NEB: variants seen among roughly 807,000 people sequenced by gnomAD.
NEB encodes nemaline myopathy type 2.
NEB carries 512 observed loss-of-function variants against 952.2 expected under a neutral mutation model. The observed-to-expected ratio is 0.54, with a 90% CI of 0.50 to 0.58. The LOEUF (loss-of-function observed/expected upper bound fraction) is 0.58. Ranked by LOEUF, NEB falls within the 20% of genes least tolerant of loss-of-function variation. The pLI, the probability that NEB is intolerant of heterozygous loss-of-function variation, is 0.00. For missense variants in NEB, 8,428 were observed against 9,231.1 expected, an observed-to-expected ratio of 0.91 and a Z score of 3.56; for synonymous variants, 2,900 against 3,149.8, an observed-to-expected ratio of 0.92 and a Z score of 2.66.
chr2:151,610,826 A>T lies in NEB; in HGVS notation c.11846T>A (p.Ile3949Asn), dbSNP rs2097921587. The change falls in exon 79 of 182, where the codon ATC (isoleucine) becomes AAC (asparagine). Residue 3949 changes from isoleucine (I) to asparagine (N), a missense_variant. Ile to Asn is a moderately radical substitution (Grantham distance 149). Around this residue, in one of 11 missense-constraint regions of NEB, gnomAD observed 337 missense variants for 297.5 expected, o/e 1.13. Transcript: ENST00000397345. ...ATCTGGGGTGTCTGGCATCACGTGG[A>T]TGGAGGTTTTGTCAGCATCCCAAGC... Reference protein sequence around the residue: ...TEAWDADKTSIHVMPDTPDIL... With the variant: ...TEAWDADKTSNHVMPDTPDIL... 6.2e-7 allele frequency: 1 copy of T among 1,604,476 alleles called. No individual in the cohort carries two copies. Among genetic ancestry groups the T allele is most frequent in the Non-Finnish European group, 8.5e-7 (1 of 1,175,120 alleles).
intron 161 of NEB, among the ~76,000 whole-genome samples, chr2:151,510,160 G>T (rs769130241): frequency 1.5e-4 from 23 of 152,124 alleles, no homozygotes; most frequent in Non-Finnish European, 2.4e-4. Flanking sequence ...GTGATTACTC[G>T]TATGTTGTCT....
In NEB at chr2:151,656,317, T is replaced by G. The variant is rs772892315; in HGVS notation, c.6331A>C (p.Thr2111Pro). The change falls in exon 49 of 182, where the codon ACC becomes CCC. Residue 2111 changes from threonine (T) to proline (P), a missense_variant. Physicochemically the swap from Thr to Pro is conservative, Grantham distance 38. This residue lies in a region of NEB where 2,851 missense variants were observed against 2,791.5 expected (regional missense o/e 1.02). Transcript: ENST00000397345. ...ATGTCGGCAGGGGTGTGGTAGCTGG[T>G]CTTTGTGTTCTCATAGTTTTTCTTG... Reference protein sequence around the residue: ...EYKKNYENTKTSYHTPADMLS... With the variant: ...EYKKNYENTKPSYHTPADMLS... 2 of 1,613,710 alleles carry G rather than the reference T, an allele frequency of 1.2e-6. No homozygotes were observed. The highest frequency in any genetic ancestry group is 2.2e-5 in the South Asian group (2 of 91,060).
intron 34 of NEB, among the ~76,000 whole-genome samples, chr2:151,676,671 A>G (rs2099362279): frequency 1.3e-5 from 2 of 152,090 alleles, no homozygotes; most frequent in Admixed American, 1.3e-4. Flanking sequence ...TTTGCCAGGA[A>G]TGCTCACTTC....
At chr2:151,684,215 T>C (rs190576077) in intron 28 of NEB, among the ~76,000 whole-genome samples, 1 of 152,342 alleles carries the variant, frequency 6.6e-6, no homozygotes, top group East Asian at 1.9e-4. Context: ...ATTTATGTTA[T>C]ATGTATTTTG....
At position 151,682,832 on chromosome 2, in the gene NEB, A is replaced by C. The variant is rs1157476229; in HGVS notation, c.2836-63T>G. The C allele has an allele frequency of 2.9e-6, 4 of 1,397,686 alleles. No homozygotes were observed. The Admixed American group carries it at 8.0e-5, about 28-fold the overall frequency. The allele number at this position is 1,397,686 out of a possible 1,614,324, so 86.6% of individuals were successfully genotyped here. A position where few individuals can be genotyped will look rare whatever the true frequency, so the allele number is the denominator to read the frequency against. ...GTCATCCTCATTATGTAAAATCATC[A>C]AAGTTTTACCCAAAACAATGTTTTT... is the stretch of plus-strand genomic sequence containing the variant. On this transcript the variant is annotated intron_variant, in intron 28 of 181. Transcript: ENST00000397345.
At chr2:151,670,499 C>T (rs1301896102) in intron 38 of NEB, among the ~76,000 whole-genome samples, 1 of 144,038 alleles carries the variant, frequency 6.9e-6, no homozygotes, top group Non-Finnish European at 1.5e-5. Flanking sequence ...TATGAGTCCA[C>T]GGTGTAAGAG....
intron 117 of NEB, among the ~76,000 whole-genome samples, chr2:151,564,163 T>A (rs1037719850): frequency 6.6e-6 from 1 of 152,028 alleles, no homozygotes; most frequent in Admixed American, 6.6e-5. Context: ...ATTTTATTTT[T>A]ATGTTTTTTG....
rs910853249 is a variant in NEB at position 151,639,273 on chromosome 2, C to T, written c.8994+7G>A. 2.0e-6 allele frequency: 3 copies of T among 1,529,660 alleles called. No individual in the cohort carries two copies. In the African/African-American group the frequency reaches 4.1e-5, roughly 21 times the overall value. 94.8% of individuals were successfully genotyped at this position (1,529,660 alleles called of 1,614,324 possible). On this transcript the variant is annotated splice_region_variant and intron_variant, in intron 63 of 181. Coordinates refer to ENST00000397345, the MANE Select transcript of NEB (RefSeq NM_001164508.2). The stretch of plus-strand genomic sequence containing the variant: ...CAGTGTGCAAATGTCAAAGAATCTG[C>T]TCTCACCTCACTGTAGTTGATTTTG...
intron 46 of NEB, among the ~76,000 whole-genome samples, chr2:151,659,561 A>G (rs1020174614): frequency 6.6e-6 from 1 of 152,200 alleles, no homozygotes; most frequent in African/African-American, 2.4e-5. Flanking sequence ...TTCACCTTCC[A>G]AAGTGCTAGT....
At chr2:151,490,156 T>C (rs1310756011) in intron 180 of NEB, 79 bp from the exon 181 acceptor site, 1 of 1,248,776 alleles carries the variant, frequency 8.0e-7, no homozygotes, top group African/African-American at 1.5e-5. Context: ...AGCTGAGTGA[T>C]GTCTTTTTCC....
chr2:151,504,098 A>G (rs933865983), intron 165 of NEB, among the ~76,000 whole-genome samples: 1 of 152,060 alleles, frequency 6.6e-6, no homozygotes, highest in Admixed American at 6.6e-5. Context: ...ACATTAAGGA[A>G]CCTCCACTCT....
intron 10 of NEB, among the ~76,000 whole-genome samples, chr2:151,717,161 A>G (rs1248797865): frequency 6.6e-6 from 1 of 152,260 alleles, no homozygotes; most frequent in Non-Finnish European, 1.5e-5. Flanking sequence ...ACATTAGAAC[A>G]TGGCTTCTGT....
intron 135 of NEB, among the ~76,000 whole-genome samples, chr2:151,543,661 T>C (rs1339156302): frequency 1.3e-5 from 2 of 152,182 alleles, no homozygotes; most frequent in Non-Finnish European, 2.9e-5. Flanking sequence ...TATTTATGTA[T>C]TGATTTTTAG....
At chr2:151,618,613 C>T (rs757207159) in intron 73 of NEB, 135 bp from the exon 74 acceptor site, 222 of 889,940 alleles carry the variant, frequency 2.5e-4, no homozygotes, top group Non-Finnish European at 9.5e-5. Context: ...CACTCACTCA[C>T]GCACATTATT....
intron 171 of NEB, 94 bp from the exon 172 acceptor site, chr2:151,497,127 A>G (rs2060767122): frequency 7.0e-7 from 1 of 1,427,526 alleles, no homozygotes. Flanking sequence ...TTGTTAAGAC[A>G]AAACACAGTT....
rs369220518 is a variant in NEB, at chr2:151,526,959, T to G, written c.21904A>C (p.Asn7302His). 1 of 1,604,404 alleles carries G rather than the reference T, an allele frequency of 6.2e-7. No individual in the cohort carries two copies. The highest frequency in any genetic ancestry group is 1.3e-5 in the African/African-American group (1 of 74,948). Residue 7302 changes from asparagine to histidine, a missense_variant, in exon 148 of 182, where the codon AAC becomes CAC. This residue lies in a region of NEB where 3,374 missense variants were observed against 3,651.5 expected (regional missense o/e 0.92). Coordinates refer to ENST00000397345, the MANE Select transcript of NEB (RefSeq NM_001164508.2). ...GCKLSVTDDK[N>H]TVLALRNTLI... is the part of the protein sequence containing the mutation. ...GTATTCCTGAGGGCGAGCACCGTGTTTTTGTCATCAGTGACAGAAAGCTTG... is the reference window on the plus strand; with the variant it reads ...GTATTCCTGAGGGCGAGCACCGTGTGTTTGTCATCAGTGACAGAAAGCTTG...
At chr2:151,558,190 T>C (rs1236838553) in intron 124 of NEB, among the ~76,000 whole-genome samples, 2 of 152,178 alleles carry the variant, frequency 1.3e-5, no homozygotes, top group African/African-American at 4.8e-5. Flanking sequence ...ACAAAATCAA[T>C]GTGCAAAAAT....
Position 151,717,443 on chromosome 2 carries a change from G to A in NEB, c.795C>T (p.Ala265=), listed in dbSNP as rs758702606. 86 of 1,613,552 alleles carry A rather than the reference G, an allele frequency of 5.3e-5. 4 individuals carry two copies. In the South Asian group the frequency reaches 9.2e-4, roughly 17 times the overall value. ...PLADPPDIEF[A]KKVTNQVSKQ... is the part of the protein sequence containing the mutation. Reference sequence around the variant, plus strand: ...TGCTCACTTGATTGGTTACTTTCTTGGCAAATTCTATATCTGGAGGATCAG... The same window carrying A: ...TGCTCACTTGATTGGTTACTTTCTTAGCAAATTCTATATCTGGAGGATCAG... Residue 265 remains alanine, a synonymous_variant, in exon 10 of 182, where the codon GCC becomes GCT. Coordinates refer to ENST00000397345, the MANE Select transcript of NEB (RefSeq NM_001164508.2).
At chr2:151,685,351 T>C (rs892905328) in intron 27 of NEB, among the ~76,000 whole-genome samples, 2 of 152,184 alleles carry the variant, frequency 1.3e-5, no homozygotes, top group Non-Finnish European at 2.9e-5. Flanking sequence ...TTAATTGTAA[T>C]GAAAACCATA....
Sources: allele counts gnomAD v4.1 joint callset (sites outside exome capture counted in the v4.1 genomes callset), GRCh38; gene constraint gnomAD v4.1.1; regional missense constraint gnomAD v4.1.1; transcripts MANE v1.5; gene names NCBI Gene and HGNC (gene_info 2026-07-23, HGNC 2026-07-21).